The following GRAMD1A variants were observed in gnomAD, a reference collection of about 807,000 sequenced individuals.
The protein encoded by GRAMD1A is protein Aster-A.
In GRAMD1A, 50 loss-of-function variants were observed where a neutral mutation model predicts 92.0. The observed-to-expected ratio is 0.54, with a 90% CI of 0.43 to 0.69. The LOEUF (loss-of-function observed/expected upper bound fraction) is 0.69, where lower values mean the gene tolerates loss of function less well. Ranked by LOEUF, GRAMD1A falls within the 30% of genes least tolerant of loss-of-function variation. GRAMD1A has a pLI of 0.00. For missense variants in GRAMD1A, 819 were observed against 978.9 expected, an observed-to-expected ratio of 0.84 and a Z score of 2.18; for synonymous variants, 405 against 403.6, an observed-to-expected ratio of 1.00 and a Z score of -0.04.
intron 1 of GRAMD1A, chr19:35,005,854 G>A: frequency 2.0e-5 from 9 of 456,208 alleles, no homozygotes; most frequent in South Asian, 1.4e-4. Flanking sequence ...CCAAAGTCCT[G>A]AAGGACAAAT....
In GRAMD1A at chr19:35,023,331, C is replaced by A. The variant is rs1243958001; in HGVS notation, c.1949C>A (p.Ala650Asp). 2.5e-6 allele frequency: 4 copies of A among 1,613,882 alleles called. No individual in the cohort carries two copies. In the African/African-American group the frequency reaches 5.3e-5, roughly 22 times the overall value. ...AHTFESWHSLALAKGKFPQTA... is the reference protein window; with the variant it reads ...AHTFESWHSLDLAKGKFPQTA... Reference sequence around the variant, plus strand: ...ACCTTTGAGTCCTGGCACAGCCTGGCCCTGGCCAAGGGGTGAGTGGGTAGC... The same window carrying A: ...ACCTTTGAGTCCTGGCACAGCCTGGACCTGGCCAAGGGGTGAGTGGGTAGC... Residue 650 changes from alanine to aspartate, a missense_variant, in exon 18 of 20, where the codon GCC becomes GAC. Transcript: ENST00000317991.
rs895389224 is a variant in GRAMD1A at position 35,022,888 on chromosome 19, C to T, written c.1842-12C>T. 4.4e-6 allele frequency: 7 copies of T among 1,604,318 alleles called. No homozygotes were observed. The African/African-American group carries it at 5.3e-5, about 12-fold the overall frequency. ...CTCATCTCTCTGTCTCCCCTCACTG[C>T]TGCTGCTGCAGGATCTGTGTGAGGT... On this transcript the variant is annotated splice_polypyrimidine_tract_variant and intron_variant, in intron 16 of 19. Transcript: ENST00000317991.
upstream of GRAMD1A, chr19:34,996,039 C>T (rs2014021524): frequency 3.9e-6 from 6 of 1,535,334 alleles, no homozygotes; most frequent in Non-Finnish European, 5.2e-6. Context: ...GATGTCCTGC[C>T]CCTGATGCCT....
intron 1 of GRAMD1A, chr19:35,002,589 TG>T (rs1212062753): frequency 6.6e-6 from 1 of 152,132 alleles, no homozygotes; most frequent in Non-Finnish European, 1.5e-5. Context: ...TTAGTAGAGA[TG>T]GGGTTTCACC....
In GRAMD1A at chr19:35,009,403, T is replaced by C. The variant is rs369787452; in HGVS notation, c.220-20T>C. Reference sequence around the variant, plus strand: ...CGGTGATCTAGGGGCTCATCCTGACTCCTCTCCTTTTCTTTGCAGAAGATG... The same window carrying C: ...CGGTGATCTAGGGGCTCATCCTGACCCCTCTCCTTTTCTTTGCAGAAGATG... On this transcript the variant is annotated intron_variant, in intron 2 of 19. Coordinates refer to ENST00000317991, the MANE Select transcript of GRAMD1A (RefSeq NM_020895.5). The C allele has an allele frequency of 1.9e-6, 3 of 1,613,824 alleles. No homozygotes were observed. The African/African-American group carries it at 4.0e-5, about 22-fold the overall frequency.
At chr19:35,010,431 C>T in intron 6 of GRAMD1A, 52 bp downstream of exon 6, 3 of 1,202,078 alleles carry the variant, frequency 2.5e-6, no homozygotes, top group Non-Finnish European at 2.5e-6. Flanking sequence ...CAGCAGGCCG[C>T]CTCCCCCAAA....
At chr19:35,022,843 CG>C in intron 16 of GRAMD1A, 56 bp from the exon 17 acceptor site, 6 of 1,569,724 alleles carry the variant, frequency 3.8e-6, no homozygotes, top group Non-Finnish European at 3.5e-6. Context: ...CTGGGGGTGT[CG>C]GGGGCAGGCC....
intron 19 of GRAMD1A, 167 bp downstream of exon 19, chr19:35,023,714 T>C (rs2016249341): frequency 1.5e-5 from 10 of 645,826 alleles, no homozygotes; most frequent in Non-Finnish European, 2.5e-5. Context: ...GGGGAAAGCA[T>C]GGAAGCATGG....
In GRAMD1A at chr19:35,013,591, C is replaced by T. The variant is rs201944800; in HGVS notation, c.770C>T (p.Ser257Leu). 117 of 1,613,196 alleles carry T rather than the reference C, an allele frequency of 7.3e-5. No individual in the cohort carries two copies. Among genetic ancestry groups the T allele is most frequent in the Middle Eastern group, 1.7e-4 (1 of 6,040 alleles). The change falls in exon 9 of 20, where the codon TCG becomes TTG. Residue 257 changes from serine to leucine, a missense_variant. Ser to Leu is a moderately radical substitution (Grantham distance 145). This residue lies in a region of GRAMD1A where 577 missense variants were observed against 674.6 expected (regional missense o/e 0.86). Transcript: ENST00000317991. This position sits in a 1 kb window ranked among gnomAD's most constrained non-coding sequence, Gnocchi z 4.9. ...ATCGCCCTGAGCGACATCACCTCCTCGGGGGCAGCTGACCGCAGCCAGGAG... is the reference window on the plus strand; with the variant it reads ...ATCGCCCTGAGCGACATCACCTCCTTGGGGGCAGCTGACCGCAGCCAGGAG... ...DVIALSDITS[S>L]GAADRSQEPS...
intron 1 of GRAMD1A, among the ~76,000 whole-genome samples, chr19:35,001,577 A>T (rs746048274): frequency 6.6e-5 from 10 of 150,456 alleles, no homozygotes; most frequent in Non-Finnish European, 1.3e-4. Context: ...GTGCCTGCAT[A>T]TGCCTGTAAT....
intron 6 of GRAMD1A, among the ~76,000 whole-genome samples, chr19:35,011,130 G>A (rs2015207162): frequency 6.8e-6 from 1 of 148,060 alleles, no homozygotes; most frequent in Non-Finnish European, 1.5e-5. Context: ...AGGATCAACT[G>A]ACCATTCTTA....
chr19:35,007,963 G>T (rs1179162153), intron 1 of GRAMD1A, among the ~76,000 whole-genome samples: 1 of 152,158 alleles, frequency 6.6e-6, no homozygotes, highest in Non-Finnish European at 1.5e-5. Flanking sequence ...TAGGGTTTTA[G>T]CTCCGACAAC....
upstream of GRAMD1A, among the ~76,000 whole-genome samples, chr19:34,998,814 G>T (rs1044775391): frequency 1.3e-5 from 2 of 150,740 alleles, no homozygotes; most frequent in Non-Finnish European, 3.0e-5. Flanking sequence ...GATAGGGGGG[G>T]TGCTGTCCAT....
intron 11 of GRAMD1A, among the ~76,000 whole-genome samples, chr19:35,017,567 G>A (rs1299456750): frequency 2.0e-5 from 3 of 152,066 alleles, no homozygotes; most frequent in Non-Finnish European, 4.4e-5. Flanking sequence ...GCCTCACCCA[G>A]AGCTGTGGCT....
In GRAMD1A at chr19:35,019,384, C is replaced by T. The variant is rs2015879002; in HGVS notation, c.1333-7C>T. 2 of 1,613,738 alleles carry T rather than the reference C, an allele frequency of 1.2e-6. No individual in the cohort carries two copies. Among genetic ancestry groups the T allele is most frequent in the East Asian group, 4.5e-5 (2 of 44,878 alleles). On this transcript the variant is annotated splice_region_variant and splice_polypyrimidine_tract_variant and intron_variant, in intron 12 of 19. Coordinates refer to ENST00000317991, the MANE Select transcript of GRAMD1A (RefSeq NM_020895.5). Reference sequence around the variant, plus strand: ...TGGCCCTGACTTCTCCGGCTCTGTCCCTGCAGACGCTGTTCCGGCGCGGCC... The same window carrying T: ...TGGCCCTGACTTCTCCGGCTCTGTCTCTGCAGACGCTGTTCCGGCGCGGCC...
rs1284881640 is a variant in GRAMD1A at position 35,000,420 on chromosome 19, C to CCAGCCCCGCG, written c.-53_-52insCGCGCAGCCC. 11 of 1,150,646 alleles carry CCAGCCCCGCG rather than the reference C, an allele frequency of 9.6e-6. No individual in the cohort carries two copies. Among genetic ancestry groups the CCAGCCCCGCG allele is most frequent in the Non-Finnish European group, 1.2e-5 (11 of 951,080 alleles). 71.3% of individuals were successfully genotyped at this position (1,150,646 alleles called of 1,614,324 possible). A position where few individuals can be genotyped will look rare whatever the true frequency, so the allele number is the denominator to read the frequency against. On this transcript the variant is annotated 5_prime_UTR_variant, in exon 1 of 20. Coordinates refer to ENST00000317991, the MANE Select transcript of GRAMD1A (RefSeq NM_020895.5). The surrounding 1 kb of genome is among the most constrained non-coding windows in gnomAD (Gnocchi z 4.9). Reference sequence around the variant, plus strand: ...CCAGCGCAGCCCAGCCCCGCGCAGCCCAGCCCTGCCCTGCCCTGCCCTGCC... The same window carrying CCAGCCCCGCG: ...CCAGCGCAGCCCAGCCCCGCGCAGCCCAGCCCCGCGCAGCCCTGCCCTGCCCTGCCCTGCC...
chr19:34,995,955 C>T (rs937115226), upstream of GRAMD1A: 40 of 1,349,854 alleles, frequency 3.0e-5, no homozygotes, highest in Middle Eastern at 5.5e-4. Flanking sequence ...GGGGCTTAAG[C>T]GGGAGCTCTA....
chr19:35,008,421 G>A (rs577451344), intron 1 of GRAMD1A, among the ~76,000 whole-genome samples: 5 of 152,276 alleles, frequency 3.3e-5, no homozygotes, highest in Middle Eastern at 3.4e-3. Flanking sequence ...TGGGCACGGT[G>A]GTTCATGCCT....
chr19:35,010,238 T>A, intron 5 of GRAMD1A, 43 bp downstream of exon 5: 1 of 1,585,300 alleles, frequency 6.3e-7, no homozygotes, highest in Non-Finnish European at 8.7e-7. Context: ...GGGGCCCCCA[T>A]GGCCAGGCCC....
Sources: gnomAD v4.1 joint callset for allele counts (sites outside exome capture counted in the v4.1 genomes callset) on GRCh38, gnomAD v4.1.1 for gene constraint, gnomAD v4.1.1 regional missense constraint, Gnocchi (gnomAD v3.1) non-coding constraint, MANE v1.5 for transcripts, NCBI Gene and HGNC (gene_info 2026-07-23, HGNC 2026-07-21) for gene names.